LRRC4C: variants seen among roughly 807,000 people sequenced by gnomAD.
LRRC4C encodes the protein leucine-rich repeat-containing protein 4C.
Under a neutral mutation model 33.6 loss-of-function variants are expected in LRRC4C, and 5 were observed. That is an observed-to-expected ratio of 0.15 (90% CI 0.08 to 0.31). The LOEUF (loss-of-function observed/expected upper bound fraction) is 0.31, where lower values mean the gene tolerates loss of function less well. Among genes scored for constraint, LRRC4C ranks in the 10% least tolerant of loss-of-function variants. The probability of loss-of-function intolerance (pLI) is 1.00; values close to 1 mark genes in which losing one functional copy is unlikely to be tolerated. For synonymous variants in LRRC4C, 329 were observed against 302.0 expected (o/e 1.09, Z -0.93); for missense variants, 560 against 796.7 (o/e 0.70, Z 3.58).
intron 3 of LRRC4C, among the ~76,000 whole-genome samples, chr11:40,419,163 A>G (rs71484106): frequency 6.6e-6 from 1 of 152,260 alleles, no homozygotes; most frequent in African/African-American, 2.4e-5. Flanking sequence ...AAGAAAAATG[A>G]CAGAACTCAG....
chr11:41,426,677 A>G (rs1003815382), intron 1 of LRRC4C, among the ~76,000 whole-genome samples: 10 of 152,204 alleles, frequency 6.6e-5, no homozygotes, highest in Admixed American at 1.3e-4. Context: ...ATAGCAAACC[A>G]CACTGAAACT....
At chr11:41,237,629 A>G (rs1490502080) in intron 1 of LRRC4C, among the ~76,000 whole-genome samples, 1 of 152,146 alleles carries the variant, frequency 6.6e-6, no homozygotes, top group Non-Finnish European at 1.5e-5. Flanking sequence ...GACAGAGAAC[A>G]CCTTCCTGCA....
At chr11:40,175,901 G>A (rs1392096309) in intron 5 of LRRC4C, among the ~76,000 whole-genome samples, 5 of 151,984 alleles carry the variant, frequency 3.3e-5, no homozygotes, top group East Asian at 1.9e-4. Flanking sequence ...CACTATAAAC[G>A]GGATTTCAGC....
chr11:40,769,285 T>A (rs932361328), intron 2 of LRRC4C, among the ~76,000 whole-genome samples: 1 of 151,680 alleles, frequency 6.6e-6, no homozygotes, highest in African/African-American at 2.4e-5. Flanking sequence ...AAATGAAAAA[T>A]CTGTACAATG....
At chr11:40,408,771 C>T (rs1950050967) in intron 3 of LRRC4C, among the ~76,000 whole-genome samples, 1 of 151,680 alleles carries the variant, frequency 6.6e-6, no homozygotes, top group Admixed American at 6.6e-5. Flanking sequence ...TTGAAGAAGA[C>T]ATAAAAAATT....
At chr11:40,363,894 C>T (rs996545688) in intron 3 of LRRC4C, among the ~76,000 whole-genome samples, 6 of 152,158 alleles carry the variant, frequency 3.9e-5, no homozygotes, top group Admixed American at 6.6e-5. Flanking sequence ...TAATCGCATG[C>T]GCCTATGACT....
chr11:41,309,130 G>A (rs1315410281), intron 1 of LRRC4C, among the ~76,000 whole-genome samples: 3 of 152,174 alleles, frequency 2.0e-5, no homozygotes, highest in Admixed American at 6.5e-5. Flanking sequence ...ACTCAGCTGG[G>A]CTGATGGTAA....
chr11:40,887,888 AT>A (rs1955535356), intron 2 of LRRC4C, among the ~76,000 whole-genome samples: 1 of 151,978 alleles, frequency 6.6e-6, no homozygotes, highest in African/African-American at 2.4e-5. Context: ...ATTAATTAAC[AT>A]TATAATGGAA....
chr11:41,112,532 T>C (rs958773682), intron 1 of LRRC4C, among the ~76,000 whole-genome samples: 4 of 152,112 alleles, frequency 2.6e-5, no homozygotes, highest in Admixed American at 2.6e-4. Context: ...GTAGTGGCTT[T>C]GAATCAAGGC....
intron 5 of LRRC4C, among the ~76,000 whole-genome samples, chr11:40,172,027 A>C (rs1276044793): frequency 6.6e-6 from 1 of 152,190 alleles, no homozygotes; most frequent in Non-Finnish European, 1.5e-5. Flanking sequence ...CAAACAAAAA[A>C]AAGGACTGAA....
intron 3 of LRRC4C, among the ~76,000 whole-genome samples, chr11:40,371,956 A>G (rs1468176502): frequency 6.6e-6 from 1 of 152,204 alleles, no homozygotes; most frequent in East Asian, 1.9e-4. Context: ...AACATACAGC[A>G]GTGTATTTTA....
chr11:40,369,407 C>T (rs1373063300), intron 3 of LRRC4C, among the ~76,000 whole-genome samples: 2 of 152,106 alleles, frequency 1.3e-5, no homozygotes, highest in African/African-American at 4.8e-5. Flanking sequence ...TGCAATGGCG[C>T]GATCTCGGAA....
At chr11:40,984,375 GAA>G (rs1352548231) in intron 1 of LRRC4C, among the ~76,000 whole-genome samples, 1 of 72,382 alleles carries the variant, frequency 1.4e-5, no homozygotes, top group African/African-American at 5.1e-5. Flanking sequence ...AAGAAAGAAA[GAA>G]AGAAAGAAAG....
chr11:40,202,974 T>A (rs1302318932), intron 5 of LRRC4C, among the ~76,000 whole-genome samples: 2 of 152,174 alleles, frequency 1.3e-5, no homozygotes, highest in African/African-American at 4.8e-5. Flanking sequence ...TCTATTTACT[T>A]TTTTTTGTCC....
chr11:40,971,820 C>G (rs1383771069), intron 1 of LRRC4C, among the ~76,000 whole-genome samples: 2 of 152,140 alleles, frequency 1.3e-5, no homozygotes, highest in Non-Finnish European at 2.9e-5. Context: ...CCTCTTACAC[C>G]AGTATGTCCT....
chr11:41,411,718 G>A (rs918041578), intron 1 of LRRC4C, among the ~76,000 whole-genome samples: 2 of 152,208 alleles, frequency 1.3e-5, no homozygotes, highest in African/African-American at 4.8e-5. Context: ...CACTGTCTGT[G>A]TGAAGTTTGC....
chr11:40,240,832 C>T (rs1191504408), intron 5 of LRRC4C, among the ~76,000 whole-genome samples: 1 of 151,926 alleles, frequency 6.6e-6, no homozygotes. Flanking sequence ...ATTAAGAAAG[C>T]ATTTATAGTG....
chr11:40,261,166 G>A (rs1287553361), intron 4 of LRRC4C, among the ~76,000 whole-genome samples: 1 of 152,056 alleles, frequency 6.6e-6, no homozygotes, highest in Non-Finnish European at 1.5e-5. Flanking sequence ...GGGATTATAG[G>A]CGTGAGTCAC....
intron 1 of LRRC4C, among the ~76,000 whole-genome samples, chr11:41,284,858 C>T (rs1272255693): frequency 6.6e-6 from 1 of 152,138 alleles, no homozygotes; most frequent in Non-Finnish European, 1.5e-5. Context: ...TTCATTCTTT[C>T]TATTCTGTAA....
Sources: allele counts gnomAD v4.1 joint callset (sites outside exome capture counted in the v4.1 genomes callset), GRCh38; gene constraint gnomAD v4.1.1; transcripts MANE v1.5; gene names NCBI Gene and HGNC (gene_info 2026-07-23, HGNC 2026-07-21).